Variants in ABLIM2 observed in about 807,000 individuals in gnomAD.
ABLIM2 encodes the protein actin binding LIM protein family member 2, also known as actin-binding LIM protein 2.
A neutral mutation model predicts 97.7 loss-of-function variants in ABLIM2; 53 were observed. The observed-to-expected ratio is 0.54, with a 90% CI of 0.44 to 0.68. The LOEUF (loss-of-function observed/expected upper bound fraction) is 0.68, where lower values mean the gene tolerates loss of function less well. ABLIM2 is among the 30% of genes least tolerant of loss of function. ABLIM2 has a pLI of 0.00. For synonymous variants in ABLIM2, 361 were observed against 345.8 expected (o/e 1.04, Z -0.49); for missense variants, 835 against 867.2 (o/e 0.96, Z 0.47).
Position 8,058,260 on chromosome 4 carries a change from G to A in ABLIM2, c.763+2707C>T, listed in dbSNP as rs1188319937. 3.3e-5 allele frequency among the ~76,000 whole-genome samples: 5 copies of A among 152,328 alleles called. No homozygotes were observed. The highest frequency in any genetic ancestry group is 5.9e-5 in the Non-Finnish European group (4 of 68,026). Reference sequence around the variant, plus strand: ...CCAGACAGCCTGGCACTGCTGGGACGGTCCCAAAGGACCCTTTGACGGGCT... The same window carrying A: ...CCAGACAGCCTGGCACTGCTGGGACAGTCCCAAAGGACCCTTTGACGGGCT... On this transcript the variant is annotated intron_variant, in intron 7 of 20. Coordinates refer to ENST00000447017, the MANE Select transcript of ABLIM2 (RefSeq NM_001130083.2). This position sits in a 1 kb window ranked among gnomAD's most constrained non-coding sequence, Gnocchi z 4.2.
rs1850784343 is a variant in ABLIM2, at chr4:8,140,389, A to G, written c.10+18291T>C. 6.6e-6 allele frequency among the ~76,000 whole-genome samples: 1 copy of G among 152,212 alleles called. No individual in the cohort carries two copies. Among genetic ancestry groups the G allele is most frequent in the Non-Finnish European group, 1.5e-5 (1 of 68,030 alleles). ...CTACACGGCAGCTAAGGAATCAGCC[A>G]TGGCAGGGGATTTCATGCCAGGCAG... On this transcript the variant is annotated intron_variant, in intron 1 of 20. Coordinates refer to ENST00000447017, the MANE Select transcript of ABLIM2 (RefSeq NM_001130083.2). The surrounding 1 kb of genome is among the most constrained non-coding windows in gnomAD (Gnocchi z 5.9).
At chr4:8,121,978 C>G (rs1462713392) in intron 1 of ABLIM2, among the ~76,000 whole-genome samples, 1 of 152,232 alleles carries the variant, frequency 6.6e-6, no homozygotes, top group Non-Finnish European at 1.5e-5. Flanking sequence ...GCTCTCAACT[C>G]CCTCTCTGGG....
chr4:8,097,631 T>A (rs564109598), intron 2 of ABLIM2, among the ~76,000 whole-genome samples: 257 of 152,320 alleles, frequency 1.7e-3, no homozygotes, highest in Non-Finnish European at 3.1e-3. Flanking sequence ...GAGCCCCTGC[T>A]GTCCTCCAGT....
rs1262337614 is a variant in ABLIM2, at chr4:7,996,537, C to G, written c.1619-3610G>C. Among the ~76,000 whole-genome samples the G allele has an allele frequency of 2.0e-5, 3 of 152,198 alleles. No homozygotes were observed. The East Asian group carries it at 5.8e-4, about 29-fold the overall frequency. On this transcript the variant is annotated intron_variant, in intron 16 of 20. Coordinates refer to ENST00000447017, the MANE Select transcript of ABLIM2 (RefSeq NM_001130083.2). This position sits in a 1 kb window ranked among gnomAD's most constrained non-coding sequence, Gnocchi z 4.5. ...AGTCTCAGGGACGTCTTCTGTTTCCCCTGAGCACCCGTATCAGATGGTGCT... is the reference window on the plus strand; with the variant it reads ...AGTCTCAGGGACGTCTTCTGTTTCCGCTGAGCACCCGTATCAGATGGTGCT...
At chr4:8,026,703 C>T (rs762069598) in intron 12 of ABLIM2, among the ~76,000 whole-genome samples, 1 of 152,274 alleles carries the variant, frequency 6.6e-6, no homozygotes, top group Non-Finnish European at 1.5e-5. Context: ...CAAAATACCA[C>T]AGCCTGTGTG....
intron 8 of ABLIM2, among the ~76,000 whole-genome samples, chr4:8,053,796 G>A (rs774528176): frequency 3.3e-5 from 5 of 152,056 alleles, no homozygotes; most frequent in Non-Finnish European, 5.9e-5. Context: ...TAGTTATCTC[G>A]GGAGTTTGGC....
In ABLIM2 at chr4:8,095,494, T is replaced by G. The variant is rs895299746; in HGVS notation, c.338+1605A>C. Among the ~76,000 whole-genome samples, 2 of 152,242 alleles carry G rather than the reference T, an allele frequency of 1.3e-5. No individual in the cohort carries two copies. Among genetic ancestry groups the G allele is most frequent in the Non-Finnish European group, 2.9e-5 (2 of 68,042 alleles). On this transcript the variant is annotated intron_variant, in intron 3 of 20. Coordinates refer to ENST00000447017, the MANE Select transcript of ABLIM2 (RefSeq NM_001130083.2). This position sits in a 1 kb window ranked among gnomAD's most constrained non-coding sequence, Gnocchi z 4.7. The stretch of plus-strand genomic sequence containing the variant: ...TTAAAAATCTTCTTGTGAAAAGTGT[T>G]GGGCTTTGCTCTGGCAGACAGTTTA...
chr4:8,065,926 A>AGGAAAGGAAGGAAAGAAGGGAAT (rs1426691428), intron 6 of ABLIM2, among the ~76,000 whole-genome samples: 13 of 141,576 alleles, frequency 9.2e-5, no homozygotes, highest in Non-Finnish European at 2.0e-4. Flanking sequence ...TCCAGAAAGA[A>AGGAAAGGAAGGAAAGAAGGGAAT]GGAAAGGAAG....
At chr4:8,007,271 G>A (rs1163984908) in intron 16 of ABLIM2, 6 of 985,164 alleles carry the variant, frequency 6.1e-6, no homozygotes, top group African/African-American at 1.7e-5. Flanking sequence ...ATCACACGAC[G>A]GGTCAGTGGT....
rs369460732 is a variant in ABLIM2 at position 8,008,105 on chromosome 4, G to A, written c.1572C>T (p.Thr524=). 43 of 1,613,874 alleles carry A rather than the reference G, an allele frequency of 2.7e-5. No individual in the cohort carries two copies. The highest frequency in any genetic ancestry group is 1.3e-4 in the East Asian group (6 of 44,894). Residue 524 remains threonine (T), a synonymous_variant, in exon 16 of 21, where the codon ACC becomes ACT. Transcript: ENST00000447017. ...DTQSLSHSSG[T]DRDPLQRMAG... ...CCATCCTTTGGAGAGGGTCTCTGTC[G>A]GTCCCGCTGCTGTGGGACAAGGACT...
intron 1 of ABLIM2, among the ~76,000 whole-genome samples, chr4:8,129,748 C>G (rs1391773816): frequency 6.6e-6 from 1 of 152,228 alleles, no homozygotes. Context: ...CTCTCTCTCT[C>G]TCTGTGGCTC....
At chr4:7,993,868 C>T (rs542081968) in intron 16 of ABLIM2, 1 of 486,420 alleles carries the variant, frequency 2.1e-6, no homozygotes, top group Non-Finnish European at 4.1e-6. Context: ...GAGCTCCCTC[C>T]ATCACTCATG....
At chr4:8,039,933 C>A in intron 9 of ABLIM2, among the ~76,000 whole-genome samples, 1 of 136,546 alleles carries the variant, frequency 7.3e-6, no homozygotes, top group African/African-American at 2.8e-5. Context: ...AAGAAAAGAG[C>A]AGTAAAATAG....
chr4:8,079,746 G>A (rs1364612581), intron 5 of ABLIM2, among the ~76,000 whole-genome samples: 1 of 150,872 alleles, frequency 6.6e-6, no homozygotes, highest in East Asian at 1.9e-4. Context: ...GAATGTGCAT[G>A]CATATGCGTG....
chr4:7,987,508 C>A (rs1170940032), intron 17 of ABLIM2, among the ~76,000 whole-genome samples: 2 of 152,150 alleles, frequency 1.3e-5, no homozygotes, highest in African/African-American at 4.8e-5. Flanking sequence ...CAGTATAAAG[C>A]AAGGCAACCA....
At chr4:8,053,932 T>G (rs1312543560) in intron 8 of ABLIM2, among the ~76,000 whole-genome samples, 1 of 152,152 alleles carries the variant, frequency 6.6e-6, no homozygotes, top group East Asian at 1.9e-4. Flanking sequence ...TGAATTAACT[T>G]CTTTTTACGT....
chr4:8,080,852 T>A (rs1236473017), intron 4 of ABLIM2, 50 bp from the exon 5 acceptor site: 3 of 1,558,114 alleles, frequency 1.9e-6, no homozygotes, highest in Non-Finnish European at 2.6e-6. Flanking sequence ...GTGAGAGGTG[T>A]TGGGGAGGCC....
Position 8,147,109 on chromosome 4 carries a change from G to T in ABLIM2, c.10+11571C>A, listed in dbSNP as rs1407724517. ...TCTTCAGAAGAGATTCCCAGAAGTC[G>T]CATTATTCCATCAAAAGGCATGAAT... is the stretch of plus-strand genomic sequence containing the variant. On this transcript the variant is annotated intron_variant, in intron 1 of 20. Transcript: ENST00000447017. The surrounding 1 kb of genome is among the most constrained non-coding windows in gnomAD (Gnocchi z 5.3). Among the ~76,000 whole-genome samples the T allele has an allele frequency of 6.6e-6, 1 of 152,156 alleles. No homozygotes were observed. Among genetic ancestry groups the T allele is most frequent in the Admixed American group, 6.5e-5 (1 of 15,268 alleles).
intron 16 of ABLIM2, among the ~76,000 whole-genome samples, chr4:8,006,031 C>A (rs992547288): frequency 2.6e-5 from 4 of 152,210 alleles, no homozygotes; most frequent in African/African-American, 9.6e-5. Context: ...GGCTGGCACA[C>A]ATGCCCTTGC....
Sources: allele counts gnomAD v4.1 joint callset (sites outside exome capture counted in the v4.1 genomes callset), GRCh38; gene constraint gnomAD v4.1.1; non-coding constraint Gnocchi (gnomAD v3.1); transcripts MANE v1.5; gene names NCBI Gene and HGNC (gene_info 2026-07-23, HGNC 2026-07-21).